The following TPGS2 variants were observed in gnomAD, a reference collection of about 807,000 sequenced individuals.
TPGS2 encodes the protein polyglutamylase subunit 2.
A neutral mutation model predicts 31.1 loss-of-function variants in TPGS2; 26 were observed. The observed-to-expected ratio is 0.84, with a 90% CI of 0.61 to 1.16. The LOEUF (loss-of-function observed/expected upper bound fraction) is 1.16. Among genes scored for constraint, TPGS2 ranks in the 50% most tolerant of loss-of-function variants. TPGS2 has a pLI of 0.00. For missense variants in TPGS2, 351 were observed against 363.8 expected, an observed-to-expected ratio of 0.96 and a Z score of 0.29; for synonymous variants, 130 against 136.6, an observed-to-expected ratio of 0.95 and a Z score of 0.34.
chr18:36,796,070 CTGA>C lies in TPGS2; in HGVS notation c.*732_*734del. 1 of 985,360 alleles carries C rather than the reference CTGA, an allele frequency of 1.0e-6. No individual in the cohort carries two copies. Among genetic ancestry groups the C allele is most frequent in the South Asian group, 4.7e-5 (1 of 21,280 alleles). 61.0% of individuals were successfully genotyped at this position (985,360 alleles called of 1,614,324 possible). On this transcript the variant is annotated 3_prime_UTR_variant, in exon 7 of 7. Transcript: ENST00000334295. ...TGGAAGCAAGAAACTTCACTGGAAA[CTGA>C]TGAGGAAGACAAACTTTATAGGAAG...
chr18:36,811,087 G>A (rs551709348), intron 2 of TPGS2, among the ~76,000 whole-genome samples: 1 of 152,318 alleles, frequency 6.6e-6, no homozygotes, highest in Non-Finnish European at 1.5e-5. Flanking sequence ...TGCAACCATG[G>A]CCAGGTGAAG....
intron 4 of TPGS2, among the ~76,000 whole-genome samples, chr18:36,803,265 C>T (rs945431427): frequency 3.3e-5 from 5 of 152,132 alleles, no homozygotes; most frequent in Admixed American, 2.6e-4. Context: ...CCAACGTTTC[C>T]CCTTTCCCTG....
chr18:36,828,036 GTC>G (rs1199784765), intron 1 of TPGS2, among the ~76,000 whole-genome samples: 2 of 152,162 alleles, frequency 1.3e-5, no homozygotes, highest in African/African-American at 4.8e-5. Flanking sequence ...GTGGAACCCT[GTC>G]TCTACTAAAA....
In TPGS2 at chr18:36,796,437, A is replaced by G. The variant is rs1489870789; in HGVS notation, c.*368T>C. 2 of 1,028,404 alleles carry G rather than the reference A, an allele frequency of 1.9e-6. No homozygotes were observed. The highest frequency in any genetic ancestry group is 1.7e-5 in the African/African-American group (1 of 59,028). 63.7% of individuals were successfully genotyped at this position (1,028,404 alleles called of 1,614,324 possible). On this transcript the variant is annotated 3_prime_UTR_variant, in exon 7 of 7. Transcript: ENST00000334295. The stretch of plus-strand genomic sequence containing the variant: ...GTCATATGTGACTAGTGGCTCCTGA[A>G]TGAACAATGCAGTTCTAATGCTTCA...
chr18:36,823,903 C>G, intron 1 of TPGS2: 1 of 973,962 alleles, frequency 1.0e-6, no homozygotes, highest in African/African-American at 1.8e-5. Flanking sequence ...CTAATAGTAC[C>G]GTGTTTAGAA....
At chr18:36,820,998 C>T (rs1374791782) in intron 1 of TPGS2, 1 of 152,184 alleles carries the variant, frequency 6.6e-6, no homozygotes, top group Non-Finnish European at 1.5e-5. Context: ...TTAAAACTCT[C>T]TGTGGTAGCT....
chr18:36,789,032 G>A (rs1259865579), intron 6 of TPGS2: 1 of 152,194 alleles, frequency 6.6e-6, no homozygotes, highest in Non-Finnish European at 1.5e-5. Context: ...GACCTAGAGA[G>A]GCTGGGGCTG....
chr18:36,810,259 C>A (rs1238475021), intron 2 of TPGS2, among the ~76,000 whole-genome samples: 1 of 152,148 alleles, frequency 6.6e-6, no homozygotes, highest in Non-Finnish European at 1.5e-5. Context: ...GAAAGGTTCA[C>A]AACCAAAATT....
At chr18:36,813,875 G>A (rs2045540072) in intron 2 of TPGS2, among the ~76,000 whole-genome samples, 1 of 152,200 alleles carries the variant, frequency 6.6e-6, no homozygotes, top group South Asian at 2.1e-4. Context: ...GGCAGAGTAA[G>A]AGCATGAAGT....
chr18:36,828,720 G>A lies in TPGS2; in HGVS notation c.48C>T (p.His16=). The change falls in exon 1 of 7, where the codon CAC becomes CAT. Residue 16 remains histidine (H), a synonymous_variant. Transcript: ENST00000334295. ...SSPGLGCSKP[H]LEKLTLGITR... ...TGATGCCCAGGGTCAGCTTCTCCAG[G>A]TGCGGCTTGCTGCAGCCCAGCCCCG... 1 of 1,614,076 alleles carries A rather than the reference G, an allele frequency of 6.2e-7. No homozygotes were observed. The highest frequency in any genetic ancestry group is 1.3e-5 in the African/African-American group (1 of 75,056).
At chr18:36,797,975 C>T (rs925761699) in intron 6 of TPGS2, 1 of 177,912 alleles carries the variant, frequency 5.6e-6, no homozygotes, top group African/African-American at 2.4e-5. Context: ...ATCATGTTGA[C>T]AGTACATTAC....
At chr18:36,792,264 A>G (rs912262996), downstream of TPGS2, among the ~76,000 whole-genome samples, 1 of 152,166 alleles carries the variant, frequency 6.6e-6, no homozygotes, top group East Asian at 1.9e-4. Context: ...CAATAGATAA[A>G]TTGAATAGAA....
rs780607810 is a variant in TPGS2, at chr18:36,805,503, C to G, written c.254-1G>C. ...ATGCTTCCCAGTGGAATGATGTGCT[C>G]TAGGGGAACATGCGTTAAGGAGAAT... On this transcript the variant is annotated splice_acceptor_variant, in intron 3 of 6. Transcript: ENST00000334295. LOFTEE classifies it high-confidence loss of function. The G allele has an allele frequency of 1.9e-6, 3 of 1,613,964 alleles. No homozygotes were observed. Among genetic ancestry groups the G allele is most frequent in the East Asian group, 2.2e-5 (1 of 44,884 alleles).
chr18:36,807,932 C>G lies in TPGS2; in HGVS notation c.168G>C (p.Lys56Asn), dbSNP rs750659623. The change falls in exon 3 of 7, where the codon AAG becomes AAC. Residue 56 changes from lysine to asparagine, a missense_variant and splice_region_variant. Physicochemically the swap from Lys to Asn is moderately conservative, Grantham distance 94 (BLOSUM62 0). Coordinates refer to ENST00000334295, the MANE Select transcript of TPGS2 (RefSeq NM_015476.4). ...ERHMISSWEQ[K>N]NNCVMPEDVK... ...CATCTTCAGGCATCACACAGTTATTCTTCTAGAATCACAAAGCAGCTAAGT... is the reference window on the plus strand; with the variant it reads ...CATCTTCAGGCATCACACAGTTATTGTTCTAGAATCACAAAGCAGCTAAGT... 1 of 1,614,108 alleles carries G rather than the reference C, an allele frequency of 6.2e-7. No individual in the cohort carries two copies. The highest frequency in any genetic ancestry group is 8.5e-7 in the Non-Finnish European group (1 of 1,179,988).
At position 36,828,718 on chromosome 18, in the gene TPGS2, A is replaced by C; in HGVS notation, c.50T>G (p.Leu17Arg). 6.2e-7 allele frequency: 1 copy of C among 1,614,046 alleles called. No individual in the cohort carries two copies. ...CGTGATGCCCAGGGTCAGCTTCTCC[A>C]GGTGCGGCTTGCTGCAGCCCAGCCC... ...SPGLGCSKPHLEKLTLGITRI... is the reference protein window; with the variant it reads ...SPGLGCSKPHREKLTLGITRI... The change falls in exon 1 of 7, where the codon CTG becomes CGG. Residue 17 changes from leucine to arginine, a missense_variant. By Grantham distance (102) the Leu-to-Arg change is moderately radical. Coordinates refer to ENST00000334295, the MANE Select transcript of TPGS2 (RefSeq NM_015476.4).
At chr18:36,786,668 G>T (rs940348591) in intron 6 of TPGS2, 2 of 460,946 alleles carry the variant, frequency 4.3e-6, no homozygotes, top group East Asian at 3.6e-5. Context: ...CTGATCAGTT[G>T]TTGTGTCTAA....
chr18:36,827,683 T>C (rs992933442), intron 1 of TPGS2, among the ~76,000 whole-genome samples: 3 of 152,214 alleles, frequency 2.0e-5, no homozygotes, highest in African/African-American at 7.2e-5. Context: ...TTCTCCTCCT[T>C]AGTTTTCTGG....
chr18:36,816,403 G>A (rs967324187), intron 2 of TPGS2, among the ~76,000 whole-genome samples: 10 of 152,182 alleles, frequency 6.6e-5, no homozygotes, highest in African/African-American at 2.4e-4. Context: ...TGGGATAAAT[G>A]GGTAAAGTCT....
At position 36,828,849 on chromosome 18, in the gene TPGS2, T is replaced by C; in HGVS notation, c.-82A>G. The C allele has an allele frequency of 6.5e-7, 1 of 1,529,140 alleles. No individual in the cohort carries two copies. Among genetic ancestry groups the C allele is most frequent in the South Asian group, 1.1e-5 (1 of 87,530 alleles). 94.7% of individuals were successfully genotyped at this position (1,529,140 alleles called of 1,614,324 possible). The stretch of plus-strand genomic sequence containing the variant: ...CAGCGCCGAGGCCAATTTCATGGCA[T>C]GCCGGGAACGGTAGTTCTCGGCGCC... On this transcript the variant is annotated 5_prime_UTR_variant, in exon 1 of 7. An upstream start codon of the reference 5' UTR is lost. Coordinates refer to ENST00000334295, the MANE Select transcript of TPGS2 (RefSeq NM_015476.4).
Sources: gnomAD v4.1 joint callset for allele counts (sites outside exome capture counted in the v4.1 genomes callset) on GRCh38, gnomAD v4.1.1 for gene constraint, MANE v1.5 for transcripts, NCBI Gene and HGNC (gene_info 2026-07-23, HGNC 2026-07-21) for gene names.